The following PDZD4 variants were observed in gnomAD, a reference collection of about 807,000 sequenced individuals.
PDZD4 encodes PDZ domain containing 4.
Under a neutral mutation model 38.5 loss-of-function variants are expected in PDZD4, and 9 were observed. The ratio of observed to expected loss-of-function variants is 0.23; its 90% CI spans 0.14 to 0.41. The LOEUF (loss-of-function observed/expected upper bound fraction) is 0.41, where lower values mean the gene tolerates loss of function less well. Ranked by LOEUF, PDZD4 falls within the 10% of genes least tolerant of loss-of-function variation. The pLI is 1.00. For synonymous variants in PDZD4, 349 were observed against 315.7 expected (o/e 1.11, Z -1.12); for missense variants, 612 against 722.0 (o/e 0.85, Z 1.75).
chrX:153,826,317 C>T (rs2064480958), intron 1 of PDZD4, among the ~76,000 whole-genome samples: 1 of 111,027 alleles, frequency 9.0e-6, no homozygotes, highest in Non-Finnish European at 1.9e-5. Context: ...ATGACATGAT[C>T]CTAATATGTA....
chrX:153,819,353 A>C (rs1557080726), intron 1 of PDZD4, among the ~76,000 whole-genome samples: 5 of 112,805 alleles, frequency 4.4e-5, no homozygotes. Flanking sequence ...CCGAGAAGAG[A>C]GGCCGGAGAG....
At chrX:153,828,426 G>A (rs1309096901) in intron 1 of PDZD4, among the ~76,000 whole-genome samples, 4 of 113,146 alleles carry the variant, frequency 3.5e-5, no homozygotes, top group African/African-American at 6.4e-5. Flanking sequence ...GCAGGAAAGC[G>A]CACAGAGGGC....
At chrX:153,819,344 CGAGAA>C (rs1557080720) in intron 1 of PDZD4, among the ~76,000 whole-genome samples, 1 of 112,941 alleles carries the variant, frequency 8.9e-6, no homozygotes, top group East Asian at 2.8e-4. Context: ...TCTGGGAAGC[CGAGAA>C]GAGAGGCCGG....
chrX:153,816,025 G>C (rs2064357528), intron 1 of PDZD4, among the ~76,000 whole-genome samples: 1 of 99,611 alleles, frequency 1.0e-5, no homozygotes, highest in Admixed American at 1.1e-4. Flanking sequence ...CAGGGTGGGG[G>C]CCAGGGCCGG....
rs1557079398 is a variant in PDZD4 at position 153,814,490 on chromosome X, C to CCCA, written c.61-5896_61-5895insTGG. On this transcript the variant is annotated intron_variant, in intron 1 of 7. Coordinates refer to ENST00000393758, the MANE Select transcript of PDZD4 (RefSeq NM_001303512.2). Reference sequence around the variant, plus strand: ...CTCCATCCACCCCCCACCCCCCCCCCAAAAAAAAGTCTCCTTCATCAAGTG... The same window carrying CCCA: ...CTCCATCCACCCCCCACCCCCCCCCCCCAAAAAAAAAGTCTCCTTCATCAAGTG... 4.5e-3 allele frequency among the ~76,000 whole-genome samples: 383 copies of CCCA among 85,352 alleles called. 10 individuals carry two copies. The highest frequency in any genetic ancestry group is 0.015 in the African/African-American group (349 of 23,265). The allele number at this position is 85,352 out of a possible 115,157, so 74.1% of individuals were successfully genotyped here. A position where few individuals can be genotyped will look rare whatever the true frequency, so the allele number is the denominator to read the frequency against.
Position 153,804,398 on chromosome X carries a change from A to G in PDZD4, c.1283T>C (p.Met428Thr). Residue 428 changes from methionine to threonine, a missense_variant, in exon 8 of 8, where the codon ATG becomes ACG. Met to Thr is a moderately conservative substitution (Grantham distance 81). This residue lies in a region of PDZD4 where 300 missense variants were observed against 284.6 expected (regional missense o/e 1.05). Transcript: ENST00000393758. The stretch of plus-strand genomic sequence containing the variant: ...CATGCAGCGCTCACGCAGCTGCTGC[A>G]TCTTCTGCGCCCGCAGTATGTTGCG... Reference protein sequence around the residue: ...KCRNILRAQKMQQLRERCMKA... With the variant: ...KCRNILRAQKTQQLRERCMKA... The G allele has an allele frequency of 8.3e-7, 1 of 1,209,729 alleles. No homozygotes were observed. Among genetic ancestry groups the G allele is most frequent in the African/African-American group, 1.7e-5 (1 of 57,952 alleles).
intron 1 of PDZD4, among the ~76,000 whole-genome samples, chrX:153,812,941 C>T (rs147466271): frequency 2.7e-3 from 294 of 109,432 alleles, no homozygotes; most frequent in Non-Finnish European, 4.7e-3. Context: ...ACATGGCCAA[C>T]CCCAGGCTTG....
In PDZD4 at chrX:153,814,490, C is replaced by A. The variant is rs868954912; in HGVS notation, c.61-5895G>T. Among the ~76,000 whole-genome samples, 564 of 85,418 alleles carry A rather than the reference C, an allele frequency of 6.6e-3. 2 individuals carry two copies. Among genetic ancestry groups the A allele is most frequent in the Non-Finnish European group, 0.011 (481 of 43,488 alleles). 74.2% of individuals were successfully genotyped at this position (85,418 alleles called of 115,157 possible). ...CTCCATCCACCCCCCACCCCCCCCC[C>A]AAAAAAAAGTCTCCTTCATCAAGTG... On this transcript the variant is annotated intron_variant, in intron 1 of 7. Coordinates refer to ENST00000393758, the MANE Select transcript of PDZD4 (RefSeq NM_001303512.2).
chrX:153,812,951 G>C (rs1367954697), intron 1 of PDZD4, among the ~76,000 whole-genome samples: 1 of 109,475 alleles, frequency 9.1e-6, no homozygotes, highest in Admixed American at 9.8e-5. Context: ...CCCCAGGCTT[G>C]CTTCCCACCA....
At position 153,807,302 on chromosome X, in the gene PDZD4, G is replaced by A. The variant is rs782066931; in HGVS notation, c.382C>T (p.Arg128Cys). 122 of 1,209,340 alleles carry A rather than the reference G, an allele frequency of 1.0e-4. No homozygotes were observed. Among genetic ancestry groups the A allele is most frequent in the Middle Eastern group, 2.3e-4 (1 of 4,327 alleles). The change falls in exon 3 of 8, where the codon CGC (arginine) becomes TGC (cysteine). Residue 128 changes from arginine (R) to cysteine (C), a missense_variant. Arg to Cys is a radical substitution (Grantham distance 180). Transcript: ENST00000393758. ...FMEGGPQEAD[R>C]LDELEYEEVE... ...ACCTCATACTCCAGCTCATCCAAGC[G>A]GTCTGCCTCCTGCGGGCCGCCCTCC...
At position 153,803,819 on chromosome X, in the gene PDZD4, G is replaced by A; in HGVS notation, c.1862C>T (p.Ala621Val). ...GGPRVGGVAA[A>V]ATEAPRMEWK... is the part of the protein sequence containing the mutation. ...CTCCATGCGCGGTGCTTCAGTGGCC[G>A]CGGCCGCCACCCCGCCCACCCGAGG... The change falls in exon 8 of 8, where the codon GCG becomes GTG. Residue 621 changes from alanine to valine, a missense_variant. Transcript: ENST00000393758. 8.3e-7 allele frequency: 1 copy of A among 1,198,072 alleles called. No homozygotes were observed. The highest frequency in any genetic ancestry group is 1.1e-6 in the Non-Finnish European group (1 of 890,432).
chrX:153,803,316 G>A lies in PDZD4; in HGVS notation c.*37C>T. 1.8e-6 allele frequency: 2 copies of A among 1,096,804 alleles called. No homozygotes were observed. Among genetic ancestry groups the A allele is most frequent in the East Asian group, 6.3e-5 (2 of 31,851 alleles). 90.4% of individuals were successfully genotyped at this position (1,096,804 alleles called of 1,213,427 possible). ...AGAGTGAGGGCCGGGGCCCCAGGGG[G>A]TTCCCTGGGCCTGGGCCGTGTACCC... On this transcript the variant is annotated 3_prime_UTR_variant, in exon 8 of 8. Transcript: ENST00000393758.
chrX:153,826,230 AAAAG>A (rs1232322978), intron 1 of PDZD4, among the ~76,000 whole-genome samples: 11 of 108,528 alleles, frequency 1.0e-4, no homozygotes, highest in African/African-American at 3.0e-4. Flanking sequence ...AAAAAAAAAA[AAAAG>A]AAAGAAAGAA....
chrX:153,826,711 CA>C (rs578073040), intron 1 of PDZD4, among the ~76,000 whole-genome samples: 1 of 111,834 alleles, frequency 8.9e-6, no homozygotes, highest in South Asian at 3.8e-4. Context: ...CACGCTCAGC[CA>C]ATCAATTGTA....
At chrX:153,809,412 C>T (rs1415061528) in intron 1 of PDZD4, among the ~76,000 whole-genome samples, 1 of 112,007 alleles carries the variant, frequency 8.9e-6, no homozygotes, top group Non-Finnish European at 1.9e-5. Flanking sequence ...ACAGTGAAAC[C>T]CCATCTCTAC....
chrX:153,820,859 C>G (rs782112205), intron 1 of PDZD4, among the ~76,000 whole-genome samples: 5 of 111,693 alleles, frequency 4.5e-5, no homozygotes, highest in Admixed American at 3.8e-4. Context: ...TCACATGGTC[C>G]AGGTGGCAGC....
intron 1 of PDZD4, among the ~76,000 whole-genome samples, chrX:153,821,789 C>T (rs1217515585): frequency 8.9e-6 from 1 of 111,859 alleles, no homozygotes; most frequent in East Asian, 2.8e-4. Context: ...CTCACTTCTC[C>T]TTCCCTCCCC....
chrX:153,806,955 T>C, intron 3 of PDZD4, 115 bp from the exon 4 acceptor site: 1 of 627,537 alleles, frequency 1.6e-6, no homozygotes, highest in Non-Finnish European at 2.5e-6. Flanking sequence ...CCGCAGCCCC[T>C]CAGCTTCCTC....
Position 153,804,565 on chromosome X carries a change from G to A in PDZD4, c.1116C>T (p.His372=), listed in dbSNP as rs1557076174. 1 of 1,209,871 alleles carries A rather than the reference G, an allele frequency of 8.3e-7. No homozygotes were observed. Among genetic ancestry groups the A allele is most frequent in the Non-Finnish European group, 1.1e-6 (1 of 895,439 alleles). Residue 372 remains histidine (H), a synonymous_variant, in exon 8 of 8, where the codon CAC becomes CAT. Transcript: ENST00000393758. ...GGCCCAGCTGGTTGCCGTTCTCCAG[G>A]TGGCACTTGATCTCCAGGAGCTCAC... The part of the protein sequence containing the change: ...RYRELLEIKC[H]LENGNQLGLL...
Sources: allele counts gnomAD v4.1 joint callset (sites outside exome capture counted in the v4.1 genomes callset), GRCh38; gene constraint gnomAD v4.1.1; regional missense constraint gnomAD v4.1.1; transcripts MANE v1.5; gene names NCBI Gene and HGNC (gene_info 2026-07-23, HGNC 2026-07-21).